The following TPST1 variants were observed in gnomAD, a reference collection of about 807,000 sequenced individuals.
The protein encoded by TPST1 is tyrosylprotein sulfotransferase 1, also known as protein-tyrosine sulfotransferase 1.
A neutral mutation model predicts 34.8 loss-of-function variants in TPST1; 20 were observed. The observed-to-expected ratio is 0.57, with a 90% confidence interval of 0.40 to 0.84. The LOEUF is 0.84. TPST1 is among the 40% of genes least tolerant of loss of function. The probability of loss-of-function intolerance (pLI) is 0.00; values close to 1 mark genes in which losing one functional copy is unlikely to be tolerated. For synonymous variants in TPST1, 152 were observed against 159.4 expected, an observed-to-expected ratio of 0.95 and a Z score of 0.35; for missense variants, 353 against 455.5, an observed-to-expected ratio of 0.78 and a Z score of 2.05.
chr7:66,330,725 G>A (rs1225387736), intron 3 of TPST1, among the ~76,000 whole-genome samples: 1 of 151,982 alleles, frequency 6.6e-6, no homozygotes, highest in Non-Finnish European at 1.5e-5. Flanking sequence ...AGGCTTTACT[G>A]CTCCTCTCCT....
chr7:66,234,729 T>G (rs572987498), intron 1 of TPST1, among the ~76,000 whole-genome samples: 16 of 152,256 alleles, frequency 1.1e-4, no homozygotes, highest in Admixed American at 2.0e-4. Context: ...CAGGTCGGAG[T>G]GCGGTGGCAG....
chr7:66,231,263 G>A (rs966187194), intron 1 of TPST1, among the ~76,000 whole-genome samples: 92 of 152,244 alleles, frequency 6.0e-4, no homozygotes, highest in Non-Finnish European at 8.2e-4. Flanking sequence ...GGTTCTCCAC[G>A]TCCCCACCAG....
intron 5 of TPST1, 104 bp from the exon 6 acceptor site, chr7:66,359,791 C>T (rs1792655550): frequency 4.6e-5 from 20 of 434,158 alleles, no homozygotes; most frequent in South Asian, 2.5e-4. Context: ...CCTCCCCAAC[C>T]GCCTGGCTTG....
intron 3 of TPST1, among the ~76,000 whole-genome samples, chr7:66,290,452 TG>T (rs1791093798): frequency 1.9e-4 from 1 of 5,194 alleles, no homozygotes; most frequent in Non-Finnish European, 3.7e-4. Context: ...ATATTGACAG[TG>T]GGGTGTTAAA....
At chr7:66,309,039 AGG>A (rs768846296) in intron 3 of TPST1, among the ~76,000 whole-genome samples, 1 of 152,292 alleles carries the variant, frequency 6.6e-6, no homozygotes, top group East Asian at 1.9e-4. Context: ...CTGGGATTAC[AGG>A]TGCCCGACAC....
At position 66,209,229 on chromosome 7, in the gene TPST1, G is replaced by A. The variant is rs962174713; in HGVS notation, c.-102+3707G>A. 4.6e-5 allele frequency among the ~76,000 whole-genome samples: 7 copies of A among 152,278 alleles called. No homozygotes were observed. In the South Asian group the frequency reaches 1.2e-3, roughly 27 times the overall value. ...CAGAGGTTACAGTGAGCTGACTCCA[G>A]CCTGGGCAGCAGAGTGAGACTCCAT... On this transcript the variant is annotated intron_variant, in intron 1 of 5. Transcript: ENST00000304842.
intron 3 of TPST1, among the ~76,000 whole-genome samples, chr7:66,346,439 C>T (rs1033563674): frequency 1.2e-4 from 18 of 152,014 alleles, no homozygotes; most frequent in Non-Finnish European, 2.4e-4. Flanking sequence ...ATTTATATTC[C>T]CACCAACAGT....
intron 3 of TPST1, among the ~76,000 whole-genome samples, chr7:66,344,721 A>ATTT (rs757855278): frequency 2.3e-5 from 3 of 128,768 alleles, no homozygotes; most frequent in African/African-American, 2.9e-5. Context: ...AACATTTCTA[A>ATTT]TTTTTTTTTT....
chr7:66,214,619 C>T (rs1216447697), intron 1 of TPST1, among the ~76,000 whole-genome samples: 1 of 150,718 alleles, frequency 6.6e-6, no homozygotes, highest in Non-Finnish European at 1.5e-5. Context: ...GGTTCAAGAC[C>T]AGCCTGGGTA....
intron 4 of TPST1, among the ~76,000 whole-genome samples, chr7:66,353,795 A>G (rs531547646): frequency 6.6e-6 from 1 of 152,320 alleles, no homozygotes; most frequent in Admixed American, 6.5e-5. Context: ...AAAGCGTTCC[A>G]GATAGAGGTT....
intron 3 of TPST1, among the ~76,000 whole-genome samples, chr7:66,287,020 A>T (rs1488558372): frequency 1.2e-5 from 1 of 82,198 alleles, no homozygotes; most frequent in South Asian, 4.3e-4. Context: ...CAACCCCACC[A>T]CAGTCCCCAG....
At chr7:66,316,858 G>A (rs1791642493) in intron 3 of TPST1, among the ~76,000 whole-genome samples, 1 of 152,064 alleles carries the variant, frequency 6.6e-6, no homozygotes, top group South Asian at 2.1e-4. Context: ...CACTTATAAG[G>A]GGGCACTAAA....
chr7:66,303,648 G>A (rs1376002211), intron 3 of TPST1, among the ~76,000 whole-genome samples: 1 of 152,070 alleles, frequency 6.6e-6, no homozygotes, highest in Non-Finnish European at 1.5e-5. Flanking sequence ...GACCTCAGGC[G>A]ATCTGCTCAC....
At chr7:66,235,033 G>A (rs1316112506) in intron 1 of TPST1, among the ~76,000 whole-genome samples, 1 of 151,904 alleles carries the variant, frequency 6.6e-6, no homozygotes, top group Non-Finnish European at 1.5e-5. Flanking sequence ...AAATGTTATT[G>A]TATAATAGGA....
At chr7:66,235,399 T>C (rs999770226) in intron 1 of TPST1, among the ~76,000 whole-genome samples, 1 of 152,174 alleles carries the variant, frequency 6.6e-6, no homozygotes, top group Non-Finnish European at 1.5e-5. Context: ...CTCAACCTAG[T>C]CTTTGTGATT....
intron 3 of TPST1, among the ~76,000 whole-genome samples, chr7:66,347,450 A>G (rs1405002394): frequency 6.6e-6 from 1 of 152,018 alleles, no homozygotes; most frequent in African/African-American, 2.4e-5. Context: ...TCCCCAATGT[A>G]TGTTCTTGGC....
At chr7:66,263,292 T>C (rs1408047637) in intron 2 of TPST1, among the ~76,000 whole-genome samples, 1 of 152,160 alleles carries the variant, frequency 6.6e-6, no homozygotes, top group Non-Finnish European at 1.5e-5. Context: ...CAAAATTTAA[T>C]ACTAGGATCA....
chr7:66,238,198 G>A (rs1475250554), intron 1 of TPST1, among the ~76,000 whole-genome samples: 2 of 152,284 alleles, frequency 1.3e-5, no homozygotes, highest in Admixed American at 6.5e-5. Flanking sequence ...CTAAATCACG[G>A]AGATTTGGAG....
At chr7:66,202,538 A>C (rs541078861), upstream of TPST1, among the ~76,000 whole-genome samples, 4 of 152,274 alleles carry the variant, frequency 2.6e-5, no homozygotes, top group East Asian at 7.7e-4. Context: ...TTTTCTGGGC[A>C]GTGTGGGAGG....
Sources: gnomAD v4.1 joint callset for allele counts (sites outside exome capture counted in the v4.1 genomes callset) on GRCh38, gnomAD v4.1.1 for gene constraint, MANE v1.5 for transcripts, NCBI Gene and HGNC (gene_info 2026-07-23, HGNC 2026-07-21) for gene names.